Variants in HEMK1 observed in about 807,000 individuals in gnomAD.
HEMK1 encodes MTRF1L release factor glutamine methyltransferase.
Under a neutral mutation model 47.9 loss-of-function variants are expected in HEMK1, and 36 were observed. The ratio of observed to expected loss-of-function variants is 0.75; its 90% confidence interval spans 0.58 to 0.99. The LOEUF (loss-of-function observed/expected upper bound fraction) is 0.99. Among genes scored for constraint, HEMK1 ranks in the 50% least tolerant of loss-of-function variants. The pLI is 0.00. For synonymous variants in HEMK1, 153 were observed against 165.4 expected (o/e 0.93, Z 0.57); for missense variants, 383 against 434.5 (o/e 0.88, Z 1.05).
Position 50,591,919 on chromosome 3 carries a change from T to C in HEMK1, c.*11502T>C, listed in dbSNP as rs546213329. On this transcript the variant is annotated 3_prime_UTR_variant, in exon 11 of 11. Transcript: ENST00000232854. The stretch of plus-strand genomic sequence containing the variant: ...ATCGAGACCATCCTGACTAACACGG[T>C]GAAACCCTGTCTCTACTAAAAATAC... 2 of 151,936 alleles carry C rather than the reference T, an allele frequency of 1.3e-5. No individual in the cohort carries two copies. 9.4% of individuals were successfully genotyped at this position (151,936 alleles called of 1,614,324 possible).
Position 50,592,815 on chromosome 3 carries a change from C to CTGGCTG in HEMK1, c.*12408_*12413dup, listed in dbSNP as rs1189596373. 2.0e-5 allele frequency: 3 copies of CTGGCTG among 152,822 alleles called. No homozygotes were observed. Among genetic ancestry groups the CTGGCTG allele is most frequent in the Non-Finnish European group, 4.4e-5 (3 of 68,486 alleles). 9.5% of individuals were successfully genotyped at this position (152,822 alleles called of 1,614,324 possible). A position where few individuals can be genotyped will look rare whatever the true frequency, so the allele number is the denominator to read the frequency against. On this transcript the variant is annotated 3_prime_UTR_variant, in exon 11 of 11. Transcript: ENST00000232854. Reference sequence around the variant, plus strand: ...CGCCCTCCAAGGGCAGAGGAGGCTGCTGGCTGTGGCTGTGGGAGGAGACCT... The same window carrying CTGGCTG: ...CGCCCTCCAAGGGCAGAGGAGGCTGCTGGCTGTGGCTGTGGCTGTGGGAGGAGACCT...
intron 2 of HEMK1, 78 bp from the exon 3 acceptor site, chr3:50,571,632 G>T: frequency 7.6e-7 from 1 of 1,315,584 alleles, no homozygotes; most frequent in South Asian, 1.2e-5. Context: ...GTGCTGGGCA[G>T]GCATTATCCA....
rs1267008109 is a variant in HEMK1 at position 50,594,396 on chromosome 3, C to CT, written c.*13980dup. 6.6e-6 allele frequency: 1 copy of CT among 152,198 alleles called. No individual in the cohort carries two copies. Among genetic ancestry groups the CT allele is most frequent in the Non-Finnish European group, 1.5e-5 (1 of 68,040 alleles). 9.4% of individuals were successfully genotyped at this position (152,198 alleles called of 1,614,324 possible). The stretch of plus-strand genomic sequence containing the variant: ...TCCCTACTCATAAGGAGTTCATGGC[C>CT]TGGTGGAGGATACAGGCAGGCAAAT... On this transcript the variant is annotated 3_prime_UTR_variant, in exon 11 of 11. Coordinates refer to ENST00000232854, the MANE Select transcript of HEMK1 (RefSeq NM_016173.5).
At chr3:50,571,686 C>T (rs895687679) in intron 2 of HEMK1, 24 bp from the exon 3 acceptor site, 44 of 1,611,538 alleles carry the variant, frequency 2.7e-5, no homozygotes, top group Non-Finnish European at 3.3e-5. Context: ...GTGAGCCAGC[C>T]ACTTATATTC....
chr3:50,571,685 C>T (rs755033895), intron 2 of HEMK1, 25 bp from the exon 3 acceptor site: 1 of 1,610,366 alleles, frequency 6.2e-7, no homozygotes, highest in South Asian at 1.1e-5. Flanking sequence ...AGTGAGCCAG[C>T]CACTTATATT....
At position 50,571,704 on chromosome 3, in the gene HEMK1, G is replaced by A. The variant is rs748036071; in HGVS notation, c.229-6G>A. 4 of 1,613,836 alleles carry A rather than the reference G, an allele frequency of 2.5e-6. No individual in the cohort carries two copies. Among genetic ancestry groups the A allele is most frequent in the African/African-American group, 1.3e-5 (1 of 74,922 alleles). ...AGCCAGCCACTTATATTCTCTGTGG[G>A]GACAGTTTCAGAGCCTGAGGCCGGC... On this transcript the variant is annotated splice_polypyrimidine_tract_variant and splice_region_variant and intron_variant, in intron 2 of 10. Transcript: ENST00000232854.
chr3:50,580,255 T>A (rs1360713505), intron 10 of HEMK1, 26 bp downstream of exon 10: 1 of 1,607,718 alleles, frequency 6.2e-7, no homozygotes, highest in East Asian at 2.2e-5. Context: ...CCTTTAGCCC[T>A]GTAGCATGCT....
Position 50,580,705 on chromosome 3 carries a change from G to A in HEMK1, c.*288G>A, listed in dbSNP as rs753569658. On this transcript the variant is annotated 3_prime_UTR_variant, in exon 11 of 11. Coordinates refer to ENST00000232854, the MANE Select transcript of HEMK1 (RefSeq NM_016173.5). Reference sequence around the variant, plus strand: ...TGACCTAATGTTTTGTCCATGACTTGCAGGTCCCCTGACCCCCTTACTCCC... The same window carrying A: ...TGACCTAATGTTTTGTCCATGACTTACAGGTCCCCTGACCCCCTTACTCCC... The A allele has an allele frequency of 1.6e-5, 8 of 494,888 alleles. No homozygotes were observed. The highest frequency in any genetic ancestry group is 3.6e-5 in the East Asian group (1 of 27,452). The allele number at this position is 494,888 out of a possible 1,614,324, so 30.7% of individuals were successfully genotyped here.
chr3:50,581,774 A>G lies in HEMK1; in HGVS notation c.*1357A>G, dbSNP rs1054862354. ...ATATTGCTGGAGTCATACCCAGCCT[A>G]AGTGTTGCCCTGCACTATGGCTGGA... is the stretch of plus-strand genomic sequence containing the variant. On this transcript the variant is annotated 3_prime_UTR_variant, in exon 11 of 11. Transcript: ENST00000232854. The G allele has an allele frequency of 2.6e-5, 4 of 152,230 alleles. No individual in the cohort carries two copies. Among genetic ancestry groups the G allele is most frequent in the African/African-American group, 9.7e-5 (4 of 41,428 alleles). The allele number at this position is 152,230 out of a possible 1,614,324, so 9.4% of individuals were successfully genotyped here.
rs1300577078 is a variant in HEMK1, at chr3:50,572,022, G to A, written c.321-93G>A. 3 of 1,576,966 alleles carry A rather than the reference G, an allele frequency of 1.9e-6. No individual in the cohort carries two copies. The African/African-American group carries it at 4.0e-5, about 21-fold the overall frequency. ...AGGCCCTGGAGACATGGTCTTGCCTGATACCTTTGGCCACAAGTGGTATCT... is the reference window on the plus strand; with the variant it reads ...AGGCCCTGGAGACATGGTCTTGCCTAATACCTTTGGCCACAAGTGGTATCT... On this transcript the variant is annotated intron_variant, in intron 3 of 10. Coordinates refer to ENST00000232854, the MANE Select transcript of HEMK1 (RefSeq NM_016173.5).
Position 50,571,296 on chromosome 3 carries a change from T to C in HEMK1, c.192T>C (p.Ser64=), listed in dbSNP as rs1004064524. ...GTATCCCTGAGGCCCGGGAATCCAG[T>C]GAGTACATCGTGGCTCATGTCCTTG... ...KRGIPEARES[S]EYIVAHVLGA... Residue 64 remains serine (S), a synonymous_variant, in exon 2 of 11, where the codon AGT becomes AGC. Coordinates refer to ENST00000232854, the MANE Select transcript of HEMK1 (RefSeq NM_016173.5). 2 of 1,610,452 alleles carry C rather than the reference T, an allele frequency of 1.2e-6. No homozygotes were observed. Among genetic ancestry groups the C allele is most frequent in the African/African-American group, 2.7e-5 (2 of 74,804 alleles).
Position 50,585,681 on chromosome 3 carries a change from C to G in HEMK1, c.*5264C>G, listed in dbSNP as rs2031298278. On this transcript the variant is annotated 3_prime_UTR_variant, in exon 11 of 11. Transcript: ENST00000232854. ...GCTGGGGGACAGAGAGCATGGACAC[C>G]TGGGTTCAAGGGTCAGCTTGGCCCC... 1 of 152,248 alleles carries G rather than the reference C, an allele frequency of 6.6e-6. No homozygotes were observed. Among genetic ancestry groups the G allele is most frequent in the Non-Finnish European group, 1.5e-5 (1 of 68,076 alleles). 9.4% of individuals were successfully genotyped at this position (152,248 alleles called of 1,614,324 possible).
chr3:50,569,412 A>C (rs1181330087), upstream of HEMK1: 1 of 152,356 alleles, frequency 6.6e-6, no homozygotes, highest in Admixed American at 6.5e-5. Flanking sequence ...CAGCGATAGG[A>C]ACACTGAAGC....
chr3:50,574,130 AC>A (rs1438053469), intron 4 of HEMK1, among the ~76,000 whole-genome samples: 2 of 152,198 alleles, frequency 1.3e-5, no homozygotes, highest in Non-Finnish European at 2.9e-5. Context: ...GGCAGAGCCA[AC>A]AACTGCCTGC....
In HEMK1 at chr3:50,587,861, TG is replaced by T. The variant is rs2107533659; in HGVS notation, c.*7446del. 6.6e-6 allele frequency: 1 copy of T among 152,186 alleles called. No individual in the cohort carries two copies. The highest frequency in any genetic ancestry group is 2.4e-5 in the African/African-American group (1 of 41,380). 9.4% of individuals were successfully genotyped at this position (152,186 alleles called of 1,614,324 possible). ...CTGCAACTTGTCCAGGGTCTGGAGG[TG>T]GCTGGGGTCTGTAGCAGTGGCATCA... On this transcript the variant is annotated 3_prime_UTR_variant, in exon 11 of 11. Transcript: ENST00000232854. This position sits in a 1 kb window ranked among gnomAD's most constrained non-coding sequence, Gnocchi z 4.2.
rs545353691 is a variant in HEMK1, at chr3:50,580,833, G to A, written c.*416G>A. 2 of 251,890 alleles carry A rather than the reference G, an allele frequency of 7.9e-6. No homozygotes were observed. The highest frequency in any genetic ancestry group is 1.0e-4 in the South Asian group (2 of 19,868). The allele number at this position is 251,890 out of a possible 1,614,324, so 15.6% of individuals were successfully genotyped here. A position where few individuals can be genotyped will look rare whatever the true frequency, so the allele number is the denominator to read the frequency against. The stretch of plus-strand genomic sequence containing the variant: ...GTGCAGTGTGGAGGAAGGCACGTGA[G>A]TCCTCACTCCTGGCCTTGGATACCA... On this transcript the variant is annotated 3_prime_UTR_variant, in exon 11 of 11. Transcript: ENST00000232854.
In HEMK1 at chr3:50,595,018, G is replaced by A. The variant is rs919392383; in HGVS notation, c.*14601G>A. The A allele has an allele frequency of 6.6e-6, 1 of 151,830 alleles. No homozygotes were observed. The highest frequency in any genetic ancestry group is 1.5e-5 in the Non-Finnish European group (1 of 68,066). 9.4% of individuals were successfully genotyped at this position (151,830 alleles called of 1,614,324 possible). On this transcript the variant is annotated 3_prime_UTR_variant, in exon 11 of 11. Transcript: ENST00000232854. ...AGGTTCAAACGATTCTCCTGCCTCA[G>A]GCTCCCGAGTACTGGGACTACAGGT...
At position 50,571,592 on chromosome 3, in the gene HEMK1, AGAT is replaced by A. The variant is rs560827837; in HGVS notation, c.229-112_229-110del. ...GCAGGATGCTGCCCCCTCTGGGCCCAGATGATGAGAGGGTTGGGCCTCCAGACC... is the reference window on the plus strand; with the variant it reads ...GCAGGATGCTGCCCCCTCTGGGCCCAGATGAGAGGGTTGGGCCTCCAGACC... On this transcript the variant is annotated intron_variant, in intron 2 of 10. Coordinates refer to ENST00000232854, the MANE Select transcript of HEMK1 (RefSeq NM_016173.5). 638 of 961,868 alleles carry A rather than the reference AGAT, an allele frequency of 6.6e-4. 6 individuals are homozygous for A. Among genetic ancestry groups the A allele is most frequent in the Middle Eastern group, 2.6e-4 (1 of 3,904 alleles). 59.6% of individuals were successfully genotyped at this position (961,868 alleles called of 1,614,324 possible).
chr3:50,577,257 A>C, intron 5 of HEMK1, 71 bp downstream of exon 5: 3 of 1,511,314 alleles, frequency 2.0e-6, no homozygotes, highest in Non-Finnish European at 2.7e-6. Flanking sequence ...TGCTTCCCCC[A>C]CATCCCTCTG....
Sources: allele counts gnomAD v4.1 joint callset (sites outside exome capture counted in the v4.1 genomes callset), GRCh38; gene constraint gnomAD v4.1.1; non-coding constraint Gnocchi (gnomAD v3.1); transcripts MANE v1.5; gene names NCBI Gene and HGNC (gene_info 2026-07-23, HGNC 2026-07-21).